The following MIOS variants were observed in gnomAD, a reference collection of about 807,000 sequenced individuals.
MIOS encodes the protein meiosis regulator for oocyte development, also known as GATOR2 complex protein MIOS.
A neutral mutation model predicts 96.9 loss-of-function variants in MIOS; 52 were observed. The ratio of observed to expected loss-of-function variants is 0.54; its 90% CI spans 0.43 to 0.68. The LOEUF (loss-of-function observed/expected upper bound fraction) is 0.68, where lower values mean the gene tolerates loss of function less well. Ranked by LOEUF, MIOS falls within the 30% of genes least tolerant of loss-of-function variation. The pLI, the probability that MIOS is intolerant of heterozygous loss-of-function variation, is 0.00. For synonymous variants in MIOS, 397 were observed against 359.5 expected, an observed-to-expected ratio of 1.10 and a Z score of -1.18; for missense variants, 1,005 against 1,052.8, an observed-to-expected ratio of 0.95 and a Z score of 0.63.
chr7:7,588,906 G>A lies in MIOS; in HGVS notation c.1884+343G>A, dbSNP rs76180183. ...CCTATGCTGTGTATATAGTGAGGGG[G>A]AAATGCATGTAAACAACCAGTAATA... On this transcript the variant is annotated intron_variant, in intron 8 of 12. Coordinates refer to ENST00000340080, the MANE Select transcript of MIOS (RefSeq NM_019005.4). Among the ~76,000 whole-genome samples the A allele has an allele frequency of 2.5e-3, 379 of 152,114 alleles. 1 individual carries two copies. Among genetic ancestry groups the A allele is most frequent in the African/African-American group, 8.8e-3 (366 of 41,524 alleles).
At chr7:7,606,921 T>C in intron 12 of MIOS, 75 bp from the exon 13 acceptor site, 1 of 1,207,542 alleles carries the variant, frequency 8.3e-7, no homozygotes. Flanking sequence ...CCCTGTCTCT[T>C]AAAAAATAAA....
intron 5 of MIOS, 59 bp downstream of exon 5, chr7:7,574,255 G>GC: frequency 3.1e-6 from 4 of 1,302,264 alleles, no homozygotes; most frequent in Non-Finnish European, 4.2e-6. Flanking sequence ...CTTTTATTTT[G>GC]CCCCCTGTCA....
Position 7,569,648 on chromosome 7 carries a change from C to G in MIOS, c.-41+1525C>G, listed in dbSNP as rs796710724. ...ACAATGGAACACCAAAAATACTTCACCTGCTCTCATGGAGTGTATAATCCA... is the reference window on the plus strand; with the variant it reads ...ACAATGGAACACCAAAAATACTTCAGCTGCTCTCATGGAGTGTATAATCCA... On this transcript the variant is annotated intron_variant, in intron 3 of 12. Coordinates refer to ENST00000340080, the MANE Select transcript of MIOS (RefSeq NM_019005.4). Among the ~76,000 whole-genome samples the G allele has an allele frequency of 7.9e-5, 12 of 152,302 alleles. 1 individual carries two copies. The highest frequency in any genetic ancestry group is 2.6e-4 in the African/African-American group (11 of 41,554).
chr7:7,576,605 A>G (rs1430639247), intron 5 of MIOS, among the ~76,000 whole-genome samples: 1 of 152,208 alleles, frequency 6.6e-6, no homozygotes, highest in African/African-American at 2.4e-5. Flanking sequence ...TGGAGGCTAG[A>G]AAGGTAAGCA....
chr7:7,595,390 G>T lies in MIOS; in HGVS notation c.2196+258G>T, dbSNP rs118067902. Among the ~76,000 whole-genome samples the T allele has an allele frequency of 1.8e-4, 28 of 152,176 alleles. No individual in the cohort carries two copies. The East Asian group carries it at 5.0e-3, about 27-fold the overall frequency. ...TTCCAGTGTATTTCCAGCCCTTTCA[G>T]ATTCTAAACTATTACATTATCTTAT... On this transcript the variant is annotated intron_variant, in intron 10 of 12. Transcript: ENST00000340080.
chr7:7,594,862 C>A (rs200868982), intron 9 of MIOS, 118 bp from the exon 10 acceptor site: 2,567 of 376,406 alleles, frequency 6.8e-3, no homozygotes, highest in Admixed American at 0.016. Context: ...CAGCTTTTGG[C>A]AAAAAAAAAA....
intron 5 of MIOS, among the ~76,000 whole-genome samples, chr7:7,579,870 C>T (rs1583631859): frequency 6.6e-6 from 1 of 152,138 alleles, no homozygotes; most frequent in East Asian, 1.9e-4. Context: ...AACGAAATTG[C>T]GTAATGACAC....
At chr7:7,594,831 T>C in intron 9 of MIOS, 149 bp from the exon 10 acceptor site, 2 of 465,138 alleles carry the variant, frequency 4.3e-6, no homozygotes, top group South Asian at 6.3e-5. Context: ...TCCATAAATT[T>C]TCTTTATTCT....
intron 9 of MIOS, among the ~76,000 whole-genome samples, chr7:7,590,285 C>T (rs1784011261): frequency 6.6e-6 from 1 of 152,162 alleles, no homozygotes. Context: ...GAGACACTAG[C>T]CCACAGACCA....
intron 10 of MIOS, 75 bp downstream of exon 10, chr7:7,595,207 T>G: frequency 6.7e-7 from 1 of 1,483,322 alleles, no homozygotes; most frequent in Non-Finnish European, 9.1e-7. Flanking sequence ...ATTAGCTCAT[T>G]ATTTTGCTTA....
rs1783214308 is a variant in MIOS at position 7,568,050 on chromosome 7, T to A, written c.-114T>A. ...GTGCTGTTGCAAATATTCTGGTGAA[T>A]GAACACAGAATCAGCATGGCTTTCC... is the stretch of plus-strand genomic sequence containing the variant. On this transcript the variant is annotated 5_prime_UTR_variant, in exon 3 of 13. The change abolishes an upstream ATG in the 5' untranslated region. Transcript: ENST00000340080. The A allele has an allele frequency of 6.6e-6, 1 of 152,238 alleles. No homozygotes were observed. Among genetic ancestry groups the A allele is most frequent in the Non-Finnish European group, 1.5e-5 (1 of 68,048 alleles). 9.4% of individuals were successfully genotyped at this position (152,238 alleles called of 1,614,324 possible). A position where few individuals can be genotyped will look rare whatever the true frequency, so the allele number is the denominator to read the frequency against.
intron 3 of MIOS, among the ~76,000 whole-genome samples, chr7:7,568,409 G>T (rs1407435415): frequency 6.6e-6 from 1 of 152,066 alleles, no homozygotes; most frequent in Non-Finnish European, 1.5e-5. Flanking sequence ...ACTCTAGATT[G>T]TTTTCTTTAC....
intron 5 of MIOS, among the ~76,000 whole-genome samples, chr7:7,578,021 G>A (rs540544503): frequency 2.6e-5 from 4 of 152,320 alleles, no homozygotes; most frequent in Admixed American, 6.5e-5. Flanking sequence ...AAGACACTGC[G>A]AGGTTGTGAA....
intron 3 of MIOS, among the ~76,000 whole-genome samples, 163 bp downstream of exon 3, chr7:7,568,286 AT>A (rs1292664727): frequency 2.6e-5 from 4 of 152,170 alleles, no homozygotes; most frequent in African/African-American, 9.7e-5. Flanking sequence ...ATTTCAGTTG[AT>A]TGTCACAGCT....
chr7:7,593,879 C>CAAAAAAAAAAAAAA (rs35986278), intron 9 of MIOS, among the ~76,000 whole-genome samples: 26 of 47,778 alleles, frequency 5.4e-4, no homozygotes, highest in African/African-American at 7.2e-4. Context: ...ACTCTGTCTC[C>CAAAAAAAAAAAAAA]AAAAAAAAAA....
At chr7:7,598,752 C>G (rs115138816) in intron 11 of MIOS, among the ~76,000 whole-genome samples, 1,901 of 152,178 alleles carry the variant, frequency 0.012, 45 homozygotes, top group African/African-American at 0.043. Context: ...GTTTTTCAAT[C>G]TTTTCTATTT....
intron 11 of MIOS, among the ~76,000 whole-genome samples, chr7:7,598,499 A>C (rs770802021): frequency 2.0e-5 from 3 of 151,738 alleles, no homozygotes; most frequent in Non-Finnish European, 4.4e-5. Context: ...TATTTTATAC[A>C]TTACATACTG....
intron 9 of MIOS, among the ~76,000 whole-genome samples, chr7:7,590,092 G>A (rs890341903): frequency 2.6e-5 from 4 of 152,120 alleles, no homozygotes; most frequent in South Asian, 2.1e-4. Context: ...TGGAAATAAT[G>A]GTAAAATTTA....
chr7:7,574,885 A>G (rs775894617), intron 5 of MIOS, among the ~76,000 whole-genome samples: 14 of 152,142 alleles, frequency 9.2e-5, no homozygotes, highest in Non-Finnish European at 1.8e-4. Context: ...ACCTTATCCA[A>G]AATGGCTTGG....
Sources: gnomAD v4.1 joint callset for allele counts (sites outside exome capture counted in the v4.1 genomes callset) on GRCh38, gnomAD v4.1.1 for gene constraint, MANE v1.5 for transcripts, NCBI Gene and HGNC (gene_info 2026-07-23, HGNC 2026-07-21) for gene names.